MYSM1: variants seen among roughly 807,000 people sequenced by gnomAD.
MYSM1 encodes Myb like, SWIRM and MPN domains 1.
In MYSM1, 51 loss-of-function variants were observed where a neutral mutation model predicts 116.0. The observed-to-expected ratio is 0.44, with a 90% confidence interval of 0.35 to 0.56. The LOEUF (loss-of-function observed/expected upper bound fraction) is 0.56. MYSM1 is among the 20% of genes least tolerant of loss of function. MYSM1 has a pLI of 0.00. For missense variants in MYSM1, 900 were observed against 974.9 expected, an observed-to-expected ratio of 0.92 and a Z score of 1.02; for synonymous variants, 313 against 315.2, an observed-to-expected ratio of 0.99 and a Z score of 0.07.
chr1:58,689,065 T>C lies in MYSM1; in HGVS notation c.372A>G (p.Glu124=). 6.2e-7 allele frequency: 1 copy of C among 1,611,716 alleles called. No individual in the cohort carries two copies. The highest frequency in any genetic ancestry group is 1.7e-5 in the Admixed American group (1 of 59,266). ...PASYSVKWTI[E]EKELFEQGLA... ...GCCCTTGTTCAAACAGCTCTTTTTCTTCTATCGTCCACTTTACTGAGTAAC... is the reference window on the plus strand; with the variant it reads ...GCCCTTGTTCAAACAGCTCTTTTTCCTCTATCGTCCACTTTACTGAGTAAC... Residue 124 remains glutamate (E), a synonymous_variant, in exon 6 of 20, where the codon GAA becomes GAG. Coordinates refer to ENST00000472487, the MANE Select transcript of MYSM1 (RefSeq NM_001085487.3).
chr1:58,672,003 G>C (rs374876091), intron 11 of MYSM1, 45 bp from the exon 12 acceptor site: 1 of 1,473,388 alleles, frequency 6.8e-7, no homozygotes, highest in South Asian at 1.1e-5. Context: ...CATCTACTAA[G>C]AGGCAGAATA....
rs1310348417 is a variant in MYSM1 at position 58,671,890 on chromosome 1, T to G, written c.1641A>C (p.Lys547Asn). The G allele has an allele frequency of 1.9e-6, 3 of 1,613,428 alleles. No individual in the cohort carries two copies. The highest frequency in any genetic ancestry group is 1.3e-5 in the African/African-American group (1 of 75,024). The part of the protein sequence containing the change: ...EEKGRPVKSL[K>N]VPRPTKSSFD... ...TACACCTTTTTGTTGGTCTTGGCAC[T>G]TTTAAAGATTTAACAGGTCTGCCTT... Residue 547 changes from lysine to asparagine, a missense_variant, in exon 12 of 20, where the codon AAA (lysine) becomes AAC (asparagine). Coordinates refer to ENST00000472487, the MANE Select transcript of MYSM1 (RefSeq NM_001085487.3).
At chr1:58,668,937 G>GA in intron 13 of MYSM1, 47 bp downstream of exon 13, 1 of 1,440,838 alleles carries the variant, frequency 6.9e-7, no homozygotes, top group Non-Finnish European at 9.6e-7. Context: ...CTGTTTGACG[G>GA]GGAAGCGGGG....
chr1:58,689,251 A>G (rs894659617), intron 5 of MYSM1, 135 bp from the exon 6 acceptor site: 2 of 660,126 alleles, frequency 3.0e-6, no homozygotes, highest in Non-Finnish European at 5.0e-6. Flanking sequence ...ACAAACAAAC[A>G]AAACAAGAAG....
At position 58,696,083 on chromosome 1, in the gene MYSM1, T is replaced by G. The variant is rs567960196; in HGVS notation, c.69-876A>C. Among the ~76,000 whole-genome samples the G allele has an allele frequency of 6.6e-5, 10 of 152,330 alleles. No homozygotes were observed. In the East Asian group the frequency reaches 1.7e-3, roughly 26 times the overall value. ...ATAATAAATTGTGGGGCTAATGAAC[T>G]ATTCTCTAAAAGCAATCATTTCTCT... On this transcript the variant is annotated intron_variant, in intron 1 of 19. Coordinates refer to ENST00000472487, the MANE Select transcript of MYSM1 (RefSeq NM_001085487.3).
chr1:58,678,498 C>T (rs756770280), intron 8 of MYSM1, among the ~76,000 whole-genome samples: 7 of 152,056 alleles, frequency 4.6e-5, no homozygotes, highest in African/African-American at 9.7e-5. Context: ...GATTCATGTT[C>T]GATCTTTTCC....
Position 58,660,017 on chromosome 1 carries a change from T to C in MYSM1, c.2467A>G (p.Thr823Ala). The stretch of plus-strand genomic sequence containing the variant: ...AATAATCACATTAACAATTCCTTTG[T>C]ACAGTTCTCTTCGGTTACTCCATTC... The part of the protein sequence containing the change: ...QENGVTEENC[T>A]KELLM The change falls in exon 20 of 20, where the codon ACA becomes GCA. Residue 823 changes from threonine (T) to alanine (A), a missense_variant. Transcript: ENST00000472487. 6.3e-7 allele frequency: 1 copy of C among 1,598,094 alleles called. No individual in the cohort carries two copies. The highest frequency in any genetic ancestry group is 8.5e-7 in the Non-Finnish European group (1 of 1,172,122).
intron 1 of MYSM1, chr1:58,699,602 C>T (rs1645033237): frequency 1.0e-6 from 1 of 981,800 alleles, no homozygotes; most frequent in Admixed American, 6.2e-5. Flanking sequence ...GCTAGCAAGC[C>T]ATAGAACAAG....
At chr1:58,673,375 G>A (rs1489263929) in intron 11 of MYSM1, among the ~76,000 whole-genome samples, 198 bp downstream of exon 11, 1 of 152,152 alleles carries the variant, frequency 6.6e-6, no homozygotes, top group Non-Finnish European at 1.5e-5. Flanking sequence ...GTTCTGAAAT[G>A]AGTTAAACTC....
At chr1:58,665,667 A>G in intron 16 of MYSM1, 36 bp from the exon 17 acceptor site, 1 of 1,364,650 alleles carries the variant, frequency 7.3e-7, no homozygotes, top group African/African-American at 1.5e-5. Context: ...AGTTTCAACT[A>G]TATAAATTCA....
intron 5 of MYSM1, 148 bp downstream of exon 5, chr1:58,690,078 C>G (rs1343189831): frequency 7.9e-6 from 5 of 630,448 alleles, no homozygotes; most frequent in East Asian, 3.2e-5. Flanking sequence ...ACTTGTGCCA[C>G]TCCAACATCT....
intron 10 of MYSM1, 126 bp downstream of exon 10, chr1:58,675,351 A>T: frequency 1.5e-6 from 1 of 675,068 alleles, no homozygotes; most frequent in South Asian, 2.0e-5. Flanking sequence ...CTAAGGTGAA[A>T]CACAAGAGGA....
intron 17 of MYSM1, among the ~76,000 whole-genome samples, 160 bp from the exon 18 acceptor site, chr1:58,661,671 T>C (rs1174099854): frequency 6.6e-6 from 1 of 152,136 alleles, no homozygotes; most frequent in African/African-American, 2.4e-5. Context: ...AAATATTTAT[T>C]GCCCGATTGT....
At chr1:58,689,249 A>C in intron 5 of MYSM1, 133 bp from the exon 6 acceptor site, 2 of 660,296 alleles carry the variant, frequency 3.0e-6, no homozygotes, top group Non-Finnish European at 4.9e-6. Context: ...AAACAAACAA[A>C]CAAAACAAGA....
chr1:58,658,465 T>C lies in MYSM1; in HGVS notation c.*1532A>G, dbSNP rs993065668. 2 of 152,152 alleles carry C rather than the reference T, an allele frequency of 1.3e-5. No homozygotes were observed. The highest frequency in any genetic ancestry group is 4.8e-5 in the African/African-American group (2 of 41,436). 9.4% of individuals were successfully genotyped at this position (152,152 alleles called of 1,614,324 possible). On this transcript the variant is annotated 3_prime_UTR_variant, in exon 20 of 20. Coordinates refer to ENST00000472487, the MANE Select transcript of MYSM1 (RefSeq NM_001085487.3). ...AGGACATTAAGAAGTTAAGTTAGAC[T>C]TCAGTTACACAAGAATTAAGGCTCA... is the stretch of plus-strand genomic sequence containing the variant.
At chr1:58,673,188 C>CA (rs1331477893) in intron 11 of MYSM1, among the ~76,000 whole-genome samples, 2 of 149,678 alleles carry the variant, frequency 1.3e-5, no homozygotes, top group African/African-American at 4.9e-5. Context: ...CTAGCTGTTA[C>CA]AAAAAATATA....
intron 14 of MYSM1, 174 bp downstream of exon 14, chr1:58,668,458 A>T: frequency 7.4e-7 from 1 of 1,347,084 alleles, no homozygotes; most frequent in Non-Finnish European, 9.5e-7. Context: ...AAATATGGAA[A>T]CATGCAATTG....
At chr1:58,685,353 C>G in intron 6 of MYSM1, 102 bp from the exon 7 acceptor site, 1 of 694,370 alleles carries the variant, frequency 1.4e-6, no homozygotes, top group South Asian at 2.3e-5. Context: ...AAAAAAAATA[C>G]ATCTTTATTT....
At chr1:58,691,075 C>T (rs925036086) in intron 3 of MYSM1, among the ~76,000 whole-genome samples, 2 of 151,902 alleles carry the variant, frequency 1.3e-5, no homozygotes, top group Admixed American at 6.6e-5. Context: ...GTTAGGAGAT[C>T]GAGACCATCC....
Sources: allele counts gnomAD v4.1 joint callset (sites outside exome capture counted in the v4.1 genomes callset), GRCh38; gene constraint gnomAD v4.1.1; transcripts MANE v1.5; gene names NCBI Gene and HGNC (gene_info 2026-07-23, HGNC 2026-07-21).